Variants in HYDIN observed in about 807,000 individuals in gnomAD.
The protein encoded by HYDIN is axonemal central pair apparatus protein HYDIN.
In HYDIN, 132 loss-of-function variants were observed where a neutral mutation model predicts 403.9. The observed-to-expected ratio is 0.33, with a 90% confidence interval of 0.28 to 0.38. The LOEUF (loss-of-function observed/expected upper bound fraction) is 0.38, where lower values mean the gene tolerates loss of function less well. Ranked by LOEUF, HYDIN falls within the 10% of genes least tolerant of loss-of-function variation. The pLI, the probability that HYDIN is intolerant of heterozygous loss-of-function variation, is 1.00. For synonymous variants in HYDIN, 1,202 were observed against 1,891.7 expected (o/e 0.64, Z 9.46); for missense variants, 2,827 against 5,009.5 (o/e 0.56, Z 13.15).
At chr16:71,178,777 T>C in intron 4 of HYDIN, 151 bp downstream of exon 4, 1 of 702,172 alleles carries the variant, frequency 1.4e-6, no homozygotes, top group Non-Finnish European at 2.3e-6. Flanking sequence ...CTTGTCGTCA[T>C]TAAGTTTACA....
chr16:71,098,721 G>A (rs2083362158), intron 10 of HYDIN, among the ~76,000 whole-genome samples: 1 of 137,188 alleles, frequency 7.3e-6, no homozygotes, highest in Non-Finnish European at 1.5e-5. Flanking sequence ...CTGTTACCTT[G>A]ACTGCCTTTC....
chr16:71,201,821 C>T (rs987098090), intron 1 of HYDIN, among the ~76,000 whole-genome samples: 1 of 152,208 alleles, frequency 6.6e-6, no homozygotes, highest in Non-Finnish European at 1.5e-5. Context: ...TGTTTTTTGA[C>T]ACAAGTGTCA....
At chr16:70,810,149 T>C in intron 84 of HYDIN, 142 bp from the exon 85 acceptor site, 1 of 739,738 alleles carries the variant, frequency 1.4e-6, no homozygotes, top group Admixed American at 2.2e-5. Flanking sequence ...GGGGAACCTG[T>C]CCAAACCAGC....
At chr16:71,185,866 G>A (rs1415063272) in intron 2 of HYDIN, among the ~76,000 whole-genome samples, 1 of 151,954 alleles carries the variant, frequency 6.6e-6, no homozygotes, top group Non-Finnish European at 1.5e-5. Flanking sequence ...TGTTGCCTTG[G>A]GTTAAACACA....
At chr16:71,207,971 G>A (rs1047236143) in intron 1 of HYDIN, among the ~76,000 whole-genome samples, 1 of 152,084 alleles carries the variant, frequency 6.6e-6, no homozygotes, top group African/African-American at 2.4e-5. Flanking sequence ...AACAATAATA[G>A]TTGGAGATTT....
At chr16:70,880,224 A>C (rs62048922) in intron 60 of HYDIN, among the ~76,000 whole-genome samples, 1 of 131,386 alleles carries the variant, frequency 7.6e-6, no homozygotes, top group Non-Finnish European at 1.6e-5. Flanking sequence ...ATGCCCAGCT[A>C]ATTTTTTTTT....
At chr16:71,133,079 A>C (rs2084777224) in intron 8 of HYDIN, 1 of 365,054 alleles carries the variant, frequency 2.7e-6, no homozygotes, top group Non-Finnish European at 5.4e-6. Flanking sequence ...TCAATGGGGA[A>C]GATGTGTGTC....
intron 75 of HYDIN, among the ~76,000 whole-genome samples, chr16:70,846,527 G>A (rs1185003646): frequency 1.4e-5 from 2 of 143,616 alleles, no homozygotes; most frequent in African/African-American, 2.6e-5. Context: ...TGTTGATTTG[G>A]GGTGGAGAGT....
At chr16:70,834,930 G>GTATATATACACACATATATGTA (rs1346959109) in intron 78 of HYDIN, among the ~76,000 whole-genome samples, 2 of 137,276 alleles carry the variant, frequency 1.5e-5, no homozygotes, top group Non-Finnish European at 3.1e-5. Context: ...ACACATATAT[G>GTATATATACACACATATATGTA]TATATATACA....
chr16:71,002,826 T>TGC, intron 23 of HYDIN, among the ~76,000 whole-genome samples: 1 of 151,122 alleles, frequency 6.6e-6, no homozygotes, highest in South Asian at 2.1e-4. Flanking sequence ...TACAGGCACA[T>TGC]GCCACCATGC....
At chr16:71,067,732 A>AC (rs2082323508) in intron 14 of HYDIN, among the ~76,000 whole-genome samples, 1 of 152,050 alleles carries the variant, frequency 6.6e-6, no homozygotes, top group African/African-American at 2.4e-5. Context: ...ATTGTTCCCT[A>AC]CCTCTGGGCT....
rs1325676214 is a variant in HYDIN at position 71,015,623 on chromosome 16, C to T, written c.3644+2506G>A. Among the ~76,000 whole-genome samples, 4 of 151,928 alleles carry T rather than the reference C, an allele frequency of 2.6e-5. No homozygotes were observed. The East Asian group carries it at 5.8e-4, about 22-fold the overall frequency. On this transcript the variant is annotated intron_variant, in intron 23 of 85. Coordinates refer to ENST00000393567, the MANE Select transcript of HYDIN (RefSeq NM_001270974.2). The stretch of plus-strand genomic sequence containing the variant: ...AGACTCCAATGCTCAGGCCCAGGAC[C>T]GGCTGCCGGCTTCAGTGCTTCGCTA...
At chr16:71,209,574 T>C (rs917334107) in intron 1 of HYDIN, among the ~76,000 whole-genome samples, 3 of 151,952 alleles carry the variant, frequency 2.0e-5, no homozygotes, top group Admixed American at 6.6e-5. Context: ...GGCATCAAAA[T>C]AGGAAGAGAG....
Position 70,884,056 on chromosome 16 carries a change from C to G in HYDIN, c.9843G>C (p.Gln3281His), listed in dbSNP as rs1359577567. 6.2e-7 allele frequency: 1 copy of G among 1,613,690 alleles called. No homozygotes were observed. The change falls in exon 59 of 86, where the codon CAG becomes CAC. Residue 3281 changes from glutamine to histidine, a missense_variant. Transcript: ENST00000393567. ...CAGCCACACAGTCAACGTTGATGAC[C>G]TGCTGTCCTCCGGAAGGAATGGAGC... ...GFGSIPSGGQQVINVDCVADA... is the reference protein window; with the variant it reads ...GFGSIPSGGQHVINVDCVADA...
intron 80 of HYDIN, among the ~76,000 whole-genome samples, chr16:70,832,246 CA>C (rs2037053150): frequency 7.9e-6 from 1 of 126,106 alleles, no homozygotes; most frequent in African/African-American, 3.1e-5. Context: ...AGGACACAAC[CA>C]CTTTGGAAAA....
intron 5 of HYDIN, among the ~76,000 whole-genome samples, chr16:71,170,394 T>G (rs754415325): frequency 4.6e-5 from 7 of 152,152 alleles, no homozygotes; most frequent in Non-Finnish European, 8.8e-5. Context: ...CTTGATATAA[T>G]GCACTAGGAA....
intron 45 of HYDIN, among the ~76,000 whole-genome samples, chr16:70,928,461 A>AAAAAAAC (rs1363919672): frequency 6.6e-6 from 1 of 152,182 alleles, no homozygotes; most frequent in Non-Finnish European, 1.5e-5. Context: ...CCTGCCTAAA[A>AAAAAAAC]AAAAAACAAA....
chr16:70,964,953 C>A, intron 36 of HYDIN, 57 bp from the exon 37 acceptor site: 2 of 1,290,000 alleles, frequency 1.6e-6, no homozygotes, highest in Non-Finnish European at 2.2e-6. Flanking sequence ...CCCTGCAGCT[C>A]TAAGTGGGTC....
At chr16:71,176,856 C>T (rs1374352202) in intron 4 of HYDIN, among the ~76,000 whole-genome samples, 1 of 152,182 alleles carries the variant, frequency 6.6e-6, no homozygotes, top group African/African-American at 2.4e-5. Flanking sequence ...AAAGTAATAA[C>T]CTGACAGGCT....
Sources: gnomAD v4.1 joint callset for allele counts (sites outside exome capture counted in the v4.1 genomes callset) on GRCh38, gnomAD v4.1.1 for gene constraint, MANE v1.5 for transcripts, NCBI Gene and HGNC (gene_info 2026-07-23, HGNC 2026-07-21) for gene names.